TMEM223: variants seen among roughly 807,000 people sequenced by gnomAD.
TMEM223 encodes transmembrane protein 223.
A neutral mutation model predicts 14.1 loss-of-function variants in TMEM223; 14 were observed. The observed-to-expected ratio is 0.99, with a 90% CI of 0.66 to 1.55. TMEM223 has a LOEUF of 1.55. Ranked by LOEUF, TMEM223 falls within the 40% of genes most tolerant of loss-of-function variation. The pLI, the probability that TMEM223 is intolerant of heterozygous loss-of-function variation, is 0.00. For missense variants in TMEM223, 346 were observed against 269.9 expected (o/e 1.28, Z -1.97); for synonymous variants, 145 against 120.5 (o/e 1.20, Z -1.33).
At chr11:62,787,925 G>A (rs1159431845), downstream of TMEM223, 2 of 502,262 alleles carry the variant, frequency 4.0e-6, no homozygotes, top group East Asian at 5.5e-5. Context: ...AGATGATCAA[G>A]CTGCCACATG....
intron 1 of TMEM223, chr11:62,775,760 T>G (rs1242325163): frequency 6.3e-7 from 1 of 1,593,640 alleles, no homozygotes; most frequent in Non-Finnish European, 8.5e-7. Context: ...GTCTTCATTC[T>G]CCACTCCCAG....
At chr11:62,783,574 G>C (rs1432160805), downstream of TMEM223, among the ~76,000 whole-genome samples, 54 of 146,254 alleles carry the variant, frequency 3.7e-4, no homozygotes, top group East Asian at 0.01. Flanking sequence ...TGCTCTTGTC[G>C]CCCAGGCTAG....
At chr11:62,781,920 C>T in intron 1 of TMEM223, 3 of 1,614,186 alleles carry the variant, frequency 1.9e-6, no homozygotes, top group Non-Finnish European at 2.5e-6. Context: ...TGCAGACGAA[C>T]TCCAAGATTG....
At chr11:62,786,194 GA>G, downstream of TMEM223, 2 of 1,554,146 alleles carry the variant, frequency 1.3e-6, no homozygotes, top group Non-Finnish European at 8.8e-7. Flanking sequence ...TCTTTCATGG[GA>G]AAGGGTCCTT....
Position 62,776,930 on chromosome 11 carries a change from C to T in TMEM223, c.315-2265G>A, listed in dbSNP as rs371200546. On this transcript the variant is annotated intron_variant, in intron 1 of 2. Transcript: ENST00000528367. ...TTGGGAGGTGGAGGCCGGCGGATCA[C>T]GAAGTCAGGAGTTTGAGACCAACCT... 2.8e-4 allele frequency among the ~76,000 whole-genome samples: 43 copies of T among 151,650 alleles called. No homozygotes were observed. In the South Asian group the frequency reaches 7.7e-3, roughly 27 times the overall value.
chr11:62,786,142 T>C (rs2134727373), downstream of TMEM223: 2 of 1,282,772 alleles, frequency 1.6e-6, no homozygotes, highest in Non-Finnish European at 1.1e-6. Flanking sequence ...TCAGGGAATT[T>C]AGGAGGATTG....
intron 2 of TMEM223, chr11:62,772,219 G>A (rs2084153852): frequency 2.2e-6 from 1 of 451,702 alleles, no homozygotes; most frequent in Non-Finnish European, 4.5e-6. Context: ...TGTGTCTCAG[G>A]CATAGTACAG....
In TMEM223 at chr11:62,790,289, G is replaced by A; in HGVS notation, c.*334C>T. 1.8e-6 allele frequency: 1 copy of A among 556,344 alleles called. No individual in the cohort carries two copies. The highest frequency in any genetic ancestry group is 1.9e-5 in the African/African-American group (1 of 53,246). The allele number at this position is 556,344 out of a possible 1,614,324, so 34.5% of individuals were successfully genotyped here. ...TTAAAGTACAACTAGATAGGAGGAAGGAGTGAAGGCTAAGCAGACATGGAC... is the reference window on the plus strand; with the variant it reads ...TTAAAGTACAACTAGATAGGAGGAAAGAGTGAAGGCTAAGCAGACATGGAC... On this transcript the variant is annotated 3_prime_UTR_variant, in exon 2 of 2. Coordinates refer to ENST00000307366, the MANE Select transcript of TMEM223 (RefSeq NM_001080501.3).
chr11:62,771,843 C>T, exon 3 of TMEM223: 1 of 301,220 alleles, frequency 3.3e-6, no homozygotes, highest in Non-Finnish European at 6.6e-6. Context: ...CCCTCCGTGC[C>T]TTTCGCGCTG....
chr11:62,774,574 C>T, intron 2 of TMEM223: 1 of 454,604 alleles, frequency 2.2e-6, no homozygotes, highest in South Asian at 1.6e-5. Flanking sequence ...GGATGCATCA[C>T]TTTGGCGCAC....
chr11:62,781,868 A>G (rs1176166434), intron 1 of TMEM223: 1 of 1,609,310 alleles, frequency 6.2e-7, no homozygotes, highest in African/African-American at 1.3e-5. Context: ...TGGTGGATCC[A>G]ATGCAGTCTG....
intron 1 of TMEM223, chr11:62,775,600 G>A (rs1224255946): frequency 1.5e-6 from 1 of 654,638 alleles, no homozygotes; most frequent in East Asian, 2.8e-5. Context: ...TGACCCACTG[G>A]CCAGTCTGTT....
intron 1 of TMEM223, among the ~76,000 whole-genome samples, chr11:62,779,952 C>CCATATA (rs1332185092): frequency 1.0e-5 from 1 of 100,064 alleles, no homozygotes; most frequent in African/African-American, 4.5e-5. Context: ...AGGCGTGAGC[C>CCATATA]TATATATATA....
downstream of TMEM223, chr11:62,787,965 TGA>T (rs1171379650): frequency 4.2e-6 from 2 of 472,480 alleles, no homozygotes; most frequent in African/African-American, 3.9e-5. Context: ...AATGACAAAA[TGA>T]GAGATGGAGA....
intron 1 of TMEM223, chr11:62,777,958 C>A: frequency 6.2e-7 from 1 of 1,613,380 alleles, no homozygotes; most frequent in South Asian, 1.1e-5. Flanking sequence ...AGGCTGCTCT[C>A]CAATTCCCTT....
intron 1 of TMEM223, among the ~76,000 whole-genome samples, chr11:62,777,412 G>A (rs1382543486): frequency 2.6e-5 from 4 of 152,208 alleles, no homozygotes; most frequent in Non-Finnish European, 2.9e-5. Context: ...GCTAGGCCCA[G>A]CCCACCTGGG....
Position 62,790,876 on chromosome 11 carries a change from C to T in TMEM223, c.356G>A (p.Arg119Gln), listed in dbSNP as rs770271631. Reference protein sequence around the residue: ...VLGAGLLFSLRSVRSVVLRAG... With the variant: ...VLGAGLLFSLQSVRSVVLRAG... ...TCGAAGCACCACTGAGCGCACAGACCGGAGAGAGAAGAGAAGACCAGCACC... is the reference window on the plus strand; with the variant it reads ...TCGAAGCACCACTGAGCGCACAGACTGGAGAGAGAAGAGAAGACCAGCACC... The change falls in exon 2 of 2, where the codon CGG becomes CAG. Residue 119 changes from arginine (R) to glutamine (Q), a missense_variant. By Grantham distance (43) the Arg-to-Gln change is conservative (BLOSUM62 1). Transcript: ENST00000307366. 20 of 1,601,200 alleles carry T rather than the reference C, an allele frequency of 1.2e-5. No individual in the cohort carries two copies. The Middle Eastern group carries it at 8.3e-4, about 66-fold the overall frequency.
At chr11:62,778,158 GA>G in intron 1 of TMEM223, 2 of 1,614,128 alleles carry the variant, frequency 1.2e-6, no homozygotes, top group Non-Finnish European at 1.7e-6. Context: ...ATGGGTTGGG[GA>G]TGGGAGTTGG....
rs779204125 is a variant in TMEM223 at position 62,790,813 on chromosome 11, G to C, written c.419C>G (p.Pro140Arg). ...TGTGAAATGGGCCCCCAAGCCAAAG[G>C]GGGCATGAGTGGTGAGGGTCACCTG... The part of the protein sequence containing the change: ...GQQVTLTTHA[P>R]FGLGAHFTVP... The change falls in exon 2 of 2, where the codon CCC (proline) becomes CGC (arginine). Residue 140 changes from proline (P) to arginine (R), a missense_variant. Physicochemically the swap from Pro to Arg is moderately radical, Grantham distance 103 (BLOSUM62 -2). Coordinates refer to ENST00000307366, the MANE Select transcript of TMEM223 (RefSeq NM_001080501.3). 9 of 1,606,342 alleles carry C rather than the reference G, an allele frequency of 5.6e-6. No individual in the cohort carries two copies. The highest frequency in any genetic ancestry group is 6.8e-6 in the Non-Finnish European group (8 of 1,176,348).
Sources: allele counts gnomAD v4.1 joint callset (sites outside exome capture counted in the v4.1 genomes callset), GRCh38; gene constraint gnomAD v4.1.1; transcripts MANE v1.5; gene names NCBI Gene and HGNC (gene_info 2026-07-23, HGNC 2026-07-21).